Variants in ZNF366 observed in about 807,000 individuals in gnomAD.
ZNF366 encodes the protein zinc finger protein 366.
In ZNF366, 20 loss-of-function variants were observed where a neutral mutation model predicts 47.2. That is an observed-to-expected ratio of 0.42 (90% CI 0.30 to 0.62). The LOEUF (loss-of-function observed/expected upper bound fraction) is 0.62, where lower values mean the gene tolerates loss of function less well. Among genes scored for constraint, ZNF366 ranks in the 20% least tolerant of loss-of-function variants. The pLI, the probability that ZNF366 is intolerant of heterozygous loss-of-function variation, is 0.16. For synonymous variants in ZNF366, 421 were observed against 395.1 expected (o/e 1.07, Z -0.78); for missense variants, 987 against 976.3 (o/e 1.01, Z -0.15).
At chr5:72,453,896 C>G (rs549927400) in intron 3 of ZNF366, among the ~76,000 whole-genome samples, 20 of 152,218 alleles carry the variant, frequency 1.3e-4, no homozygotes, top group Non-Finnish European at 1.9e-4. Flanking sequence ...AACGCCCTTT[C>G]ACATCCAATT....
chr5:72,506,321 C>T (rs1167803467), intron 1 of ZNF366, among the ~76,000 whole-genome samples: 3 of 152,162 alleles, frequency 2.0e-5, no homozygotes, highest in African/African-American at 7.2e-5. Context: ...GATTTCGGCT[C>T]CCTCATGGCT....
At chr5:72,502,261 G>A (rs1744224358) in intron 1 of ZNF366, among the ~76,000 whole-genome samples, 1 of 152,168 alleles carries the variant, frequency 6.6e-6, no homozygotes, top group Non-Finnish European at 1.5e-5. Flanking sequence ...TACACATAAC[G>A]CTGGATGAAG....
rs150987043 is a variant in ZNF366 at position 72,483,789 on chromosome 5, T to C, written c.-14-22279A>G. Among the ~76,000 whole-genome samples the C allele has an allele frequency of 5.8e-3, 882 of 152,306 alleles. 10 individuals carry two copies. The highest frequency in any genetic ancestry group is 0.019 in the African/African-American group (801 of 41,566). ...TAAACTGTGATGGGAATGATGGGCC[T>C]GGGGCTTCATCCCACTGGAGTATTA... On this transcript the variant is annotated intron_variant, in intron 1 of 4. Transcript: ENST00000318442.
rs533422786 is a variant in ZNF366, at chr5:72,442,433, T to G, written c.*1323A>C. 1 of 151,508 alleles carries G rather than the reference T, an allele frequency of 6.6e-6. No homozygotes were observed. The highest frequency in any genetic ancestry group is 6.6e-5 in the Admixed American group (1 of 15,176). 9.4% of individuals were successfully genotyped at this position (151,508 alleles called of 1,614,324 possible). On this transcript the variant is annotated 3_prime_UTR_variant, in exon 5 of 5. Transcript: ENST00000318442. ...AATGGGTAAGGCCTTGGTTTGGTGG[T>G]TTTTTTTTAAAGGTCACCCCAGATG...
chr5:72,460,645 C>A lies in ZNF366; in HGVS notation c.852G>T (p.Thr284=). The A allele has an allele frequency of 1.2e-6, 2 of 1,614,216 alleles. No homozygotes were observed. Among genetic ancestry groups the A allele is most frequent in the South Asian group, 2.2e-5 (2 of 91,092 alleles). The change falls in exon 2 of 5, where the codon ACG becomes ACT. Residue 284 remains threonine, a synonymous_variant. Coordinates refer to ENST00000318442, the MANE Select transcript of ZNF366 (RefSeq NM_152625.3). ...GHSGIKPHAC[T]HCGKLFKQLS... ...GCTGCTTGAAGAGCTTCCCGCAGTG[C>A]GTGCACGCGTGCGGCTTGATCCCAC... is the stretch of plus-strand genomic sequence containing the variant.
chr5:72,474,279 G>T (rs913853340), intron 1 of ZNF366, among the ~76,000 whole-genome samples: 13 of 152,152 alleles, frequency 8.5e-5, no homozygotes, highest in Non-Finnish European at 4.4e-5. Context: ...AGAACTCTCA[G>T]GCTCCTGCAC....
chr5:72,482,699 G>A (rs1743812371), intron 1 of ZNF366, among the ~76,000 whole-genome samples: 1 of 150,658 alleles, frequency 6.6e-6, no homozygotes, highest in Non-Finnish European at 1.5e-5. Flanking sequence ...TCTTCCTATG[G>A]CAGTCAAATT....
At chr5:72,462,802 C>T (rs1010387003) in intron 1 of ZNF366, among the ~76,000 whole-genome samples, 3 of 152,158 alleles carry the variant, frequency 2.0e-5, no homozygotes, top group African/African-American at 4.8e-5. Context: ...CCACCCGCCT[C>T]GGCCTCCCAC....
intron 1 of ZNF366, among the ~76,000 whole-genome samples, chr5:72,474,651 T>TGC (rs1743636393): frequency 6.7e-6 from 1 of 150,244 alleles, no homozygotes; most frequent in African/African-American, 2.5e-5. Flanking sequence ...TGTACACCCA[T>TGC]GCACACACAC....
At chr5:72,495,004 A>G (rs1445355548) in intron 1 of ZNF366, among the ~76,000 whole-genome samples, 2 of 152,084 alleles carry the variant, frequency 1.3e-5, no homozygotes, top group Non-Finnish European at 2.9e-5. Flanking sequence ...CATTTTCAGG[A>G]GGAAATTGAC....
chr5:72,462,507 T>TTTTC (rs765498463), intron 1 of ZNF366, among the ~76,000 whole-genome samples: 8,620 of 82,454 alleles, frequency 0.1, 785 homozygotes, highest in Non-Finnish European at 0.13. Context: ...TCCTTGCCAG[T>TTTTC]TTTCTTTCTT....
At chr5:72,445,773 G>A (rs748315270) in intron 4 of ZNF366, among the ~76,000 whole-genome samples, 1 of 152,186 alleles carries the variant, frequency 6.6e-6, no homozygotes, top group Non-Finnish European at 1.5e-5. Context: ...AAAAATCCAG[G>A]TCTAGCTTGG....
intron 1 of ZNF366, among the ~76,000 whole-genome samples, chr5:72,493,165 T>C (rs967088733): frequency 6.6e-6 from 1 of 152,238 alleles, no homozygotes; most frequent in Non-Finnish European, 1.5e-5. Flanking sequence ...CACTAATGCA[T>C]TCCAAAAATG....
chr5:72,449,573 G>T (rs577919409), intron 3 of ZNF366, among the ~76,000 whole-genome samples: 1 of 152,280 alleles, frequency 6.6e-6, no homozygotes, highest in East Asian at 1.9e-4. Context: ...CTACATTAGG[G>T]ATTTCCAGTC....
intron 4 of ZNF366, among the ~76,000 whole-genome samples, chr5:72,446,232 T>C (rs1742954992): frequency 6.6e-6 from 1 of 152,328 alleles, no homozygotes; most frequent in Non-Finnish European, 1.5e-5. Flanking sequence ...TCCTCTTATA[T>C]AAAATGAGAA....
chr5:72,447,151 A>AT (rs1742975788), intron 4 of ZNF366, 92 bp downstream of exon 4: 1 of 1,435,496 alleles, frequency 7.0e-7, no homozygotes, highest in African/African-American at 1.4e-5. Context: ...CTTGACAAGA[A>AT]TAACCCTCAA....
Position 72,460,490 on chromosome 5 carries a change from G to A in ZNF366, c.1007C>T (p.Pro336Leu), listed in dbSNP as rs1743281950. 6.2e-7 allele frequency: 1 copy of A among 1,613,936 alleles called. No homozygotes were observed. Among genetic ancestry groups the A allele is most frequent in the Non-Finnish European group, 8.5e-7 (1 of 1,179,954 alleles). Reference protein sequence around the residue: ...RHMMQHSEVKPHNCRVCGRGF... With the variant: ...RHMMQHSEVKLHNCRVCGRGF... ...GCGGCCGCACACGCGGCAGTTGTGCGGCTTCACCTCGCTGTGCTGCATCAT... is the reference window on the plus strand; with the variant it reads ...GCGGCCGCACACGCGGCAGTTGTGCAGCTTCACCTCGCTGTGCTGCATCAT... Residue 336 changes from proline to leucine, a missense_variant, in exon 2 of 5, where the codon CCG becomes CTG. This residue lies in a region of ZNF366 where 591 missense variants were observed against 560.9 expected (regional missense o/e 1.05). Coordinates refer to ENST00000318442, the MANE Select transcript of ZNF366 (RefSeq NM_152625.3).
In ZNF366 at chr5:72,460,924, G is replaced by C. The variant is rs1020380884; in HGVS notation, c.573C>G (p.Pro191=). 5 of 1,611,952 alleles carry C rather than the reference G, an allele frequency of 3.1e-6. No homozygotes were observed. The change falls in exon 2 of 5, where the codon CCC becomes CCG. Residue 191 remains proline (P), a synonymous_variant. Transcript: ENST00000318442. Reference sequence around the variant, plus strand: ...GGCTGAAGGGGAAGGGCGAGGACGAGGGCACGAAGAAGGGGAACATGAGGC... The same window carrying C: ...GGCTGAAGGGGAAGGGCGAGGACGACGGCACGAAGAAGGGGAACATGAGGC... ...HPGLMFPFFV[P]SSSPFPFSRH... is the part of the protein sequence containing the mutation.
intron 3 of ZNF366, among the ~76,000 whole-genome samples, chr5:72,453,398 A>G (rs1325934306): frequency 2.0e-5 from 3 of 152,294 alleles, no homozygotes; most frequent in Middle Eastern, 3.4e-3. Context: ...CCTGGCTTGT[A>G]CTCCAACACC....
Sources: allele counts gnomAD v4.1 joint callset (sites outside exome capture counted in the v4.1 genomes callset), GRCh38; gene constraint gnomAD v4.1.1; regional missense constraint gnomAD v4.1.1; transcripts MANE v1.5; gene names NCBI Gene and HGNC (gene_info 2026-07-23, HGNC 2026-07-21).